NRG1: variants seen among roughly 807,000 people sequenced by gnomAD.
NRG1 encodes the protein pro-neuregulin-1, membrane-bound isoform.
Under a neutral mutation model 63.8 loss-of-function variants are expected in NRG1, and 18 were observed. That is an observed-to-expected ratio of 0.28 (90% CI 0.19 to 0.42). The LOEUF (loss-of-function observed/expected upper bound fraction) is 0.42, where lower values mean the gene tolerates loss of function less well. Ranked by LOEUF, NRG1 falls within the 10% of genes least tolerant of loss-of-function variation. The pLI is 1.00. For missense variants in NRG1, 762 were observed against 814.7 expected (o/e 0.94, Z 0.79); for synonymous variants, 302 against 301.3 (o/e 1.00, Z -0.02).
chr8:32,305,375 G>A (rs138141197), intron 1 of NRG1, among the ~76,000 whole-genome samples: 26 of 151,990 alleles, frequency 1.7e-4, no homozygotes, highest in Middle Eastern at 3.4e-3. Flanking sequence ...TATTTTATAG[G>A]TATACGAATA....
rs539118993 is a variant in NRG1 at position 32,710,020 on chromosome 8, C to T, written c.503-17929C>T. Among the ~76,000 whole-genome samples the T allele has an allele frequency of 2.0e-5, 3 of 152,064 alleles. No individual in the cohort carries two copies. The East Asian group carries it at 5.8e-4, about 29-fold the overall frequency. On this transcript the variant is annotated intron_variant, in intron 5 of 11. Transcript: ENST00000356819. Reference sequence around the variant, plus strand: ...TGTAAAGCAAGTCTGATTAGATGATCCTCATATGTAATTTAACCAAACGAA... The same window carrying T: ...TGTAAAGCAAGTCTGATTAGATGATTCTCATATGTAATTTAACCAAACGAA...
chr8:31,812,758 A>G (rs1823017145), intron 1 of NRG1, among the ~76,000 whole-genome samples: 1 of 151,194 alleles, frequency 6.6e-6, no homozygotes, highest in Non-Finnish European at 1.5e-5. Context: ...TGGGTTATCC[A>G]TTTAAGCTTA....
intron 1 of NRG1, among the ~76,000 whole-genome samples, chr8:32,582,752 C>T (rs188904303): frequency 1.6e-3 from 239 of 152,308 alleles, no homozygotes; most frequent in Non-Finnish European, 2.8e-3. Context: ...TGTATAGCCC[C>T]GCTGAATAAG....
chr8:31,960,233 C>T (rs1805222950), intron 1 of NRG1, among the ~76,000 whole-genome samples: 1 of 152,114 alleles, frequency 6.6e-6, no homozygotes, highest in Non-Finnish European at 1.5e-5. Flanking sequence ...TCATTGTCTA[C>T]TTTTAACACT....
At chr8:32,627,643 G>A (rs1423322769) in intron 5 of NRG1, among the ~76,000 whole-genome samples, 1 of 152,216 alleles carries the variant, frequency 6.6e-6, no homozygotes, top group Admixed American at 6.5e-5. Context: ...CATTAAGTAA[G>A]ACTAGTTTTG....
At chr8:32,002,099 C>T (rs934302798) in intron 1 of NRG1, among the ~76,000 whole-genome samples, 2 of 152,064 alleles carry the variant, frequency 1.3e-5, no homozygotes, top group Non-Finnish European at 2.9e-5. Flanking sequence ...TCTCAGCTCA[C>T]TACAACCTCT....
intron 1 of NRG1, among the ~76,000 whole-genome samples, chr8:31,702,400 C>T (rs1404274145): frequency 6.6e-6 from 1 of 151,942 alleles, no homozygotes; most frequent in Admixed American, 6.6e-5. Flanking sequence ...TTGGGTAATA[C>T]TTACTTTAAA....
At chr8:31,951,448 GA>G (rs374614499) in intron 1 of NRG1, among the ~76,000 whole-genome samples, 7 of 151,424 alleles carry the variant, frequency 4.6e-5, no homozygotes, top group South Asian at 2.1e-4. Context: ...CTCCTCTAGG[GA>G]AAAAAAAAGT....
chr8:31,894,546 C>CTTTTTTTT (rs370312165), intron 1 of NRG1, among the ~76,000 whole-genome samples: 4 of 98,064 alleles, frequency 4.1e-5, no homozygotes, highest in African/African-American at 1.0e-4. Context: ...CTATTTCTTT[C>CTTTTTTTT]TTTTTTCTTT....
intron 1 of NRG1, among the ~76,000 whole-genome samples, chr8:31,856,433 G>A (rs1385670487): frequency 2.6e-5 from 4 of 151,994 alleles, no homozygotes; most frequent in African/African-American, 2.4e-5. Context: ...CATTCTTCAC[G>A]TAGTTCTCGA....
chr8:31,969,445 T>A (rs1806913951), intron 1 of NRG1, among the ~76,000 whole-genome samples: 1 of 152,198 alleles, frequency 6.6e-6, no homozygotes, highest in Non-Finnish European at 1.5e-5. Flanking sequence ...AGAAGTTAAC[T>A]GATTGAACAT....
intron 5 of NRG1, among the ~76,000 whole-genome samples, chr8:32,719,444 A>G (rs1820080191): frequency 6.6e-6 from 1 of 152,084 alleles, no homozygotes; most frequent in South Asian, 2.1e-4. Context: ...AATCCCAGAC[A>G]TCTTATCATT....
chr8:32,212,454 T>C (rs759821869), intron 1 of NRG1, among the ~76,000 whole-genome samples: 1 of 152,156 alleles, frequency 6.6e-6, no homozygotes, highest in Non-Finnish European at 1.5e-5. Flanking sequence ...ACTGAAAACA[T>C]GGCTAGAATG....
intron 1 of NRG1, among the ~76,000 whole-genome samples, chr8:31,669,546 A>G (rs1563274843): frequency 6.6e-6 from 1 of 152,084 alleles, no homozygotes; most frequent in African/African-American, 2.4e-5. Context: ...GCCTTATACA[A>G]TATTTTTAAT....
intron 1 of NRG1, among the ~76,000 whole-genome samples, chr8:31,867,498 A>G (rs1232664452): frequency 6.6e-6 from 1 of 152,134 alleles, no homozygotes; most frequent in Non-Finnish European, 1.5e-5. Context: ...TCTATCTGTC[A>G]TGAGTGGTTT....
chr8:32,415,144 A>G (rs1815684989), intron 1 of NRG1, among the ~76,000 whole-genome samples: 1 of 152,038 alleles, frequency 6.6e-6, no homozygotes, highest in Admixed American at 6.6e-5. Context: ...AAAAACAGGG[A>G]TGTGTATAAT....
chr8:31,803,430 A>G (rs1417697640), intron 1 of NRG1, among the ~76,000 whole-genome samples: 1 of 152,204 alleles, frequency 6.6e-6, no homozygotes, highest in African/African-American at 2.4e-5. Context: ...CAGTTGCACT[A>G]CAAGTTTATC....
intron 6 of NRG1, among the ~76,000 whole-genome samples, chr8:32,730,611 G>A (rs1330704151): frequency 6.6e-6 from 1 of 152,140 alleles, no homozygotes; most frequent in Non-Finnish European, 1.5e-5. Context: ...TATGCTTGCA[G>A]CAGAATAAAA....
chr8:32,118,117 T>C (rs1760242729), intron 1 of NRG1, among the ~76,000 whole-genome samples: 1 of 152,124 alleles, frequency 6.6e-6, no homozygotes, highest in Admixed American at 6.6e-5. Flanking sequence ...GAAATATTGA[T>C]AGTAATTGCT....
Sources: gnomAD v4.1 joint callset for allele counts (sites outside exome capture counted in the v4.1 genomes callset) on GRCh38, gnomAD v4.1.1 for gene constraint, MANE v1.5 for transcripts, NCBI Gene and HGNC (gene_info 2026-07-23, HGNC 2026-07-21) for gene names.